The following SPOCK1 variants were observed in gnomAD, a reference collection of about 807,000 sequenced individuals.
SPOCK1 encodes SPARC (osteonectin), cwcv and kazal like domains proteoglycan 1.
Under a neutral mutation model 55.3 loss-of-function variants are expected in SPOCK1, and 23 were observed. The observed-to-expected ratio is 0.42, with a 90% CI of 0.30 to 0.59. The LOEUF (loss-of-function observed/expected upper bound fraction) is 0.59, where lower values mean the gene tolerates loss of function less well. SPOCK1 is among the 20% of genes least tolerant of loss of function. The probability of loss-of-function intolerance (pLI) is 0.22; values close to 1 mark genes in which losing one functional copy is unlikely to be tolerated. For missense variants in SPOCK1, 499 were observed against 552.5 expected (o/e 0.90, Z 0.97); for synonymous variants, 226 against 221.0 (o/e 1.02, Z -0.20).
chr5:137,161,322 G>A (rs1418328324), intron 3 of SPOCK1, among the ~76,000 whole-genome samples: 1 of 151,618 alleles, frequency 6.6e-6, no homozygotes, highest in East Asian at 1.9e-4. Context: ...GGGATATGGG[G>A]CATGGAACAT....
chr5:137,250,523 C>A (rs1310436625), intron 3 of SPOCK1, among the ~76,000 whole-genome samples: 1 of 152,162 alleles, frequency 6.6e-6, no homozygotes, highest in African/African-American at 2.4e-5. Flanking sequence ...TGAGTCCGTT[C>A]ATAGAAGTGG....
At chr5:137,291,144 T>A (rs2916642) in intron 2 of SPOCK1, among the ~76,000 whole-genome samples, 2 of 152,016 alleles carry the variant, frequency 1.3e-5, no homozygotes, top group Non-Finnish European at 2.9e-5. Flanking sequence ...AACTACCTGG[T>A]GATCTATAGA....
intron 6 of SPOCK1, among the ~76,000 whole-genome samples, chr5:137,007,092 A>T (rs59205255): frequency 2.6e-5 from 4 of 151,916 alleles, no homozygotes; most frequent in Non-Finnish European, 5.9e-5. Flanking sequence ...AGCCATATGC[A>T]GAAAACTGAA....
At chr5:137,496,528 AG>A (rs1754302048) in intron 2 of SPOCK1, among the ~76,000 whole-genome samples, 1 of 152,240 alleles carries the variant, frequency 6.6e-6, no homozygotes, top group Non-Finnish European at 1.5e-5. Context: ...CTATCTCCAG[AG>A]GTGGCCCTTC....
intron 2 of SPOCK1, among the ~76,000 whole-genome samples, chr5:137,293,762 A>C (rs1757420991): frequency 6.6e-6 from 1 of 152,060 alleles, no homozygotes; most frequent in Non-Finnish European, 1.5e-5. Flanking sequence ...CACGCCTGTA[A>C]TCCCAGCACT....
chr5:137,301,601 C>A (rs1757589896), intron 2 of SPOCK1, among the ~76,000 whole-genome samples: 1 of 148,690 alleles, frequency 6.7e-6, no homozygotes, highest in Admixed American at 6.7e-5. Context: ...TCTTCAGGAA[C>A]TACCAGCAAA....
At chr5:137,160,496 G>T (rs2127050453) in intron 3 of SPOCK1, among the ~76,000 whole-genome samples, 1 of 80,310 alleles carries the variant, frequency 1.2e-5, no homozygotes, top group Admixed American at 1.9e-4. Flanking sequence ...CAACACCTGG[G>T]CTATATATAT....
intron 9 of SPOCK1, among the ~76,000 whole-genome samples, chr5:136,984,810 G>C (rs940632317): frequency 2.0e-5 from 3 of 152,178 alleles, no homozygotes; most frequent in Non-Finnish European, 2.9e-5. Flanking sequence ...CTTATAGTTT[G>C]AGCACTTGAG....
intron 2 of SPOCK1, among the ~76,000 whole-genome samples, chr5:137,480,685 G>A (rs1399268199): frequency 2.0e-5 from 3 of 152,078 alleles, no homozygotes; most frequent in African/African-American, 4.8e-5. Context: ...CCCACTCCAC[G>A]TCACCCACCC....
At chr5:137,023,204 A>C (rs1751607304) in intron 6 of SPOCK1, among the ~76,000 whole-genome samples, 2 of 152,236 alleles carry the variant, frequency 1.3e-5, no homozygotes, top group Admixed American at 6.5e-5. Context: ...GATTCAAATA[A>C]ATGAATTAAC....
At chr5:137,368,378 G>C (rs1751122273) in intron 2 of SPOCK1, among the ~76,000 whole-genome samples, 2 of 152,304 alleles carry the variant, frequency 1.3e-5, no homozygotes, top group South Asian at 4.1e-4. Context: ...TCCTGAGAGG[G>C]AACAATGGGC....
intron 3 of SPOCK1, among the ~76,000 whole-genome samples, chr5:137,148,875 C>T (rs1414615646): frequency 6.6e-6 from 1 of 152,104 alleles, no homozygotes; most frequent in African/African-American, 2.4e-5. Flanking sequence ...ATGAAAATAA[C>T]TTCTGATGGG....
At chr5:137,014,814 T>A (rs902714387) in intron 6 of SPOCK1, among the ~76,000 whole-genome samples, 3 of 152,200 alleles carry the variant, frequency 2.0e-5, no homozygotes, top group African/African-American at 7.2e-5. Flanking sequence ...GCTTTTTTAA[T>A]CTTGTGTAAT....
intron 2 of SPOCK1, among the ~76,000 whole-genome samples, chr5:137,310,300 A>G (rs1364597403): frequency 6.6e-6 from 1 of 152,216 alleles, no homozygotes; most frequent in Non-Finnish European, 1.5e-5. Flanking sequence ...AATGGCACCA[A>G]GCTTTTCTGA....
Position 137,498,502 on chromosome 5 carries a change from G to C in SPOCK1, c.57C>G (p.Val19=). 6.3e-7 allele frequency: 1 copy of C among 1,581,546 alleles called. No individual in the cohort carries two copies. The highest frequency in any genetic ancestry group is 8.6e-7 in the Non-Finnish European group (1 of 1,168,464). ...AAAAAWCFLQ[V]ESRHLDALAG... is the part of the protein sequence containing the mutation. ...CGAGCGCGTCCAGGTGCCGGCTCTC[G>C]ACTTGGAGGAAGCACCACGCCGCGG... Residue 19 remains valine, a synonymous_variant, in exon 2 of 11, where the codon GTC becomes GTG. Transcript: ENST00000394945.
chr5:137,023,589 C>T (rs953070573), intron 6 of SPOCK1, among the ~76,000 whole-genome samples: 36 of 152,046 alleles, frequency 2.4e-4, no homozygotes, highest in African/African-American at 8.7e-4. Flanking sequence ...CAGACTGGGG[C>T]TAGAAGAATA....
rs140706066 is a variant in SPOCK1 at position 137,294,425 on chromosome 5, AG to A, written c.187-27371del. 4.6e-5 allele frequency among the ~76,000 whole-genome samples: 7 copies of A among 152,318 alleles called. No individual in the cohort carries two copies. In the East Asian group the frequency reaches 1.4e-3, roughly 29 times the overall value. ...TCCAAGAAGCTAAGTGATCTGCCCAAGGATGCAGGGCTGGCCAGGACACAGT... is the reference window on the plus strand; with the variant it reads ...TCCAAGAAGCTAAGTGATCTGCCCAAGATGCAGGGCTGGCCAGGACACAGT... On this transcript the variant is annotated intron_variant, in intron 2 of 10. Transcript: ENST00000394945.
chr5:137,141,108 T>A (rs1326815282), intron 3 of SPOCK1, among the ~76,000 whole-genome samples: 2 of 152,170 alleles, frequency 1.3e-5, no homozygotes, highest in Non-Finnish European at 2.9e-5. Context: ...AAACCAACCA[T>A]GTGTTTGCCC....
intron 2 of SPOCK1, among the ~76,000 whole-genome samples, chr5:137,299,591 T>C (rs1028914322): frequency 3.9e-5 from 6 of 152,118 alleles, no homozygotes; most frequent in South Asian, 4.1e-4. Context: ...GTTTTGCTGG[T>C]GAAAAATTTT....
Sources: allele counts gnomAD v4.1 joint callset (sites outside exome capture counted in the v4.1 genomes callset), GRCh38; gene constraint gnomAD v4.1.1; transcripts MANE v1.5; gene names NCBI Gene and HGNC (gene_info 2026-07-23, HGNC 2026-07-21).